TENM3: variants seen among roughly 807,000 people sequenced by gnomAD.
The protein encoded by TENM3 is teneurin-3.
Under a neutral mutation model 255.1 loss-of-function variants are expected in TENM3, and 63 were observed. The ratio of observed to expected loss-of-function variants is 0.25; its 90% CI spans 0.20 to 0.30. The LOEUF (loss-of-function observed/expected upper bound fraction) is 0.30. Ranked by LOEUF, TENM3 falls within the 10% of genes least tolerant of loss-of-function variation. TENM3 has a pLI of 1.00. For missense variants in TENM3, 2,929 were observed against 3,461.1 expected (o/e 0.85, Z 3.86); for synonymous variants, 1,306 against 1,322.3 (o/e 0.99, Z 0.27).
intron 4 of TENM3, among the ~76,000 whole-genome samples, chr4:182,611,896 G>C (rs960136884): frequency 1.3e-5 from 2 of 151,974 alleles, no homozygotes; most frequent in Non-Finnish European, 2.9e-5. Flanking sequence ...TCTCCTTTTT[G>C]TATATTTAAT....
chr4:181,500,845 A>G, the TENM3 span, among the ~76,000 whole-genome samples: 2 of 152,180 alleles, frequency 1.3e-5, no homozygotes, highest in Non-Finnish European at 2.9e-5. Context: ...TTAAGTTCAT[A>G]CAATTCCAGC....
At chr4:181,877,465 C>G in the TENM3 span, among the ~76,000 whole-genome samples, 39 of 152,154 alleles carry the variant, frequency 2.6e-4, no homozygotes, top group African/African-American at 9.4e-4. Context: ...TTAATTAGTA[C>G]TTTCTTTAGT....
At chr4:182,545,767 A>G (rs187770836) in intron 3 of TENM3, among the ~76,000 whole-genome samples, 8 of 152,134 alleles carry the variant, frequency 5.3e-5, no homozygotes, top group Admixed American at 3.3e-4. Flanking sequence ...TCACTGCCCT[A>G]TTTAGGTAGC....
At chr4:182,778,526 G>A (rs143255841) in intron 24 of TENM3, among the ~76,000 whole-genome samples, 7 of 152,190 alleles carry the variant, frequency 4.6e-5, no homozygotes, top group East Asian at 1.9e-4. Context: ...TCTTGATATC[G>A]CCACCCAGTG....
At chr4:181,584,349 C>G in the TENM3 span, among the ~76,000 whole-genome samples, 1 of 152,166 alleles carries the variant, frequency 6.6e-6, no homozygotes, top group Non-Finnish European at 1.5e-5. Context: ...CTGAGGAAGT[C>G]TCAGTGACCT....
the TENM3 span, among the ~76,000 whole-genome samples, chr4:181,451,336 C>T: frequency 6.6e-6 from 1 of 152,126 alleles, no homozygotes. Context: ...CATACTGGTG[C>T]AATGCATGAA....
intron 13 of TENM3, among the ~76,000 whole-genome samples, chr4:182,717,129 A>G (rs1759259214): frequency 6.6e-6 from 1 of 152,190 alleles, no homozygotes; most frequent in African/African-American, 2.4e-5. Context: ...TTCTTAGGCC[A>G]AGCATCTTCC....
chr4:182,736,131 C>A (rs767884827), intron 16 of TENM3, among the ~76,000 whole-genome samples: 8 of 152,178 alleles, frequency 5.3e-5, no homozygotes, highest in Non-Finnish European at 1.0e-4. Context: ...GGAGCTCAAT[C>A]TTTAATTATG....
intron 3 of TENM3, among the ~76,000 whole-genome samples, chr4:182,501,844 T>G (rs766518766): frequency 3.3e-5 from 5 of 152,182 alleles, no homozygotes; most frequent in African/African-American, 4.8e-5. Flanking sequence ...ACTCAAATTG[T>G]ATTTATTCTT....
chr4:182,030,000 C>CTTTTTTTTTTTTTT, the TENM3 span, among the ~76,000 whole-genome samples: 5 of 83,448 alleles, frequency 6.0e-5, 2 homozygotes, highest in Admixed American at 1.7e-4. Flanking sequence ...CATCTCTCTC[C>CTTTTTTTTTTTTTT]TTTTTTTCTT....
intron 2 of TENM3, among the ~76,000 whole-genome samples, chr4:182,336,846 T>G (rs1377604833): frequency 2.8e-4 from 2 of 7,152 alleles, no homozygotes; most frequent in African/African-American, 6.1e-4. Context: ...TTCTTAGCTT[T>G]TTTTTTTTTT....
chr4:182,613,048 A>G (rs1044442156), intron 4 of TENM3, among the ~76,000 whole-genome samples: 1 of 152,136 alleles, frequency 6.6e-6, no homozygotes, highest in African/African-American at 2.4e-5. Context: ...TCTAGCTTAT[A>G]CTTCCTTTCT....
At chr4:181,850,555 T>A in the TENM3 span, among the ~76,000 whole-genome samples, 2 of 151,956 alleles carry the variant, frequency 1.3e-5, no homozygotes, top group African/African-American at 4.8e-5. Flanking sequence ...TATCGAGAGG[T>A]TTTTTAGATT....
chr4:182,015,877 A>G, the TENM3 span, among the ~76,000 whole-genome samples: 37 of 152,280 alleles, frequency 2.4e-4, no homozygotes, highest in African/African-American at 8.9e-4. Flanking sequence ...GACCCTCCTC[A>G]TCGTACTTTG....
intron 3 of TENM3, among the ~76,000 whole-genome samples, chr4:182,565,384 A>G (rs1426724298): frequency 6.6e-6 from 1 of 152,226 alleles, no homozygotes; most frequent in Non-Finnish European, 1.5e-5. Context: ...ATCTACACCC[A>G]TTTACTACAA....
At chr4:181,773,693 G>C in the TENM3 span, among the ~76,000 whole-genome samples, 1 of 152,164 alleles carries the variant, frequency 6.6e-6, no homozygotes, top group African/African-American at 2.4e-5. Context: ...GGTGAGGTCT[G>C]TTGTGTTTAA....
the TENM3 span, among the ~76,000 whole-genome samples, chr4:181,897,210 A>G: frequency 5.9e-5 from 9 of 152,218 alleles, no homozygotes; most frequent in South Asian, 4.1e-4. Flanking sequence ...TATTCAGCAC[A>G]TAAATTCAGC....
the TENM3 span, among the ~76,000 whole-genome samples, chr4:181,468,607 T>C: frequency 3.3e-5 from 5 of 152,324 alleles, no homozygotes; most frequent in Non-Finnish European, 7.4e-5. Flanking sequence ...TACATTTGTA[T>C]AGTATGACAC....
chr4:182,571,455 A>G (rs899920540), intron 3 of TENM3, among the ~76,000 whole-genome samples: 25 of 152,208 alleles, frequency 1.6e-4, no homozygotes, highest in African/African-American at 5.8e-4. Context: ...GAGCCCAGGA[A>G]GCAGAGGTTT....
Sources: gnomAD v4.1 joint callset for allele counts (sites outside exome capture counted in the v4.1 genomes callset) on GRCh38, gnomAD v4.1.1 for gene constraint, MANE v1.5 for transcripts, NCBI Gene and HGNC (gene_info 2026-07-23, HGNC 2026-07-21) for gene names.